CEP128: variants seen among roughly 807,000 people sequenced by gnomAD.
CEP128 encodes the protein centrosomal protein 128.
In CEP128, 132 loss-of-function variants were observed where a neutral mutation model predicts 156.7. The ratio of observed to expected loss-of-function variants is 0.84; its 90% CI spans 0.73 to 0.97. CEP128 has a LOEUF of 0.97. Among genes scored for constraint, CEP128 ranks in the 50% least tolerant of loss-of-function variants. The pLI, the probability that CEP128 is intolerant of heterozygous loss-of-function variation, is 0.00. For synonymous variants in CEP128, 469 were observed against 448.9 expected, an observed-to-expected ratio of 1.04 and a Z score of -0.57; for missense variants, 1,252 against 1,281.9, an observed-to-expected ratio of 0.98 and a Z score of 0.36.
chr14:80,937,273 A>G (rs1885860675), intron 2 of CEP128, among the ~76,000 whole-genome samples: 1 of 152,214 alleles, frequency 6.6e-6, no homozygotes, highest in African/African-American at 2.4e-5. Flanking sequence ...GTGAGCCAAG[A>G]TAGCACCACT....
chr14:80,695,257 C>T (rs1896853049), intron 19 of CEP128, among the ~76,000 whole-genome samples: 1 of 151,734 alleles, frequency 6.6e-6, no homozygotes, highest in African/African-American at 2.4e-5. Flanking sequence ...TTTTGGGAAA[C>T]ATCTGCTCAG....
At chr14:80,492,237 C>T (rs1345213107), downstream of CEP128, among the ~76,000 whole-genome samples, 2 of 152,130 alleles carry the variant, frequency 1.3e-5, no homozygotes, top group Non-Finnish European at 2.9e-5. Context: ...ATATGAAGTA[C>T]ATATAAATAC....
chr14:80,898,484 A>C (rs991281574), intron 7 of CEP128, among the ~76,000 whole-genome samples: 2 of 152,210 alleles, frequency 1.3e-5, no homozygotes. Context: ...CCTAGAGATC[A>C]CAAAAACTAT....
intron 19 of CEP128, among the ~76,000 whole-genome samples, chr14:80,660,342 T>G (rs576927462): frequency 6.6e-6 from 1 of 152,126 alleles, no homozygotes; most frequent in Non-Finnish European, 1.5e-5. Flanking sequence ...GTTAAAATAT[T>G]TTTTGCTTAT....
chr14:80,544,264 ACT>A (rs1169134077), intron 21 of CEP128, among the ~76,000 whole-genome samples: 1 of 151,950 alleles, frequency 6.6e-6, no homozygotes, highest in African/African-American at 2.4e-5. Context: ...AAACATAGGG[ACT>A]CTCTTAGTTT....
At chr14:80,717,999 G>GTGTGTGTATGTC (rs1372681495) in intron 19 of CEP128, among the ~76,000 whole-genome samples, 1 of 152,040 alleles carries the variant, frequency 6.6e-6, no homozygotes, top group East Asian at 1.9e-4. Flanking sequence ...GTGTGTATGT[G>GTGTGTGTATGTC]TATGTGTATG....
Position 80,639,923 on chromosome 14 carries a change from A to T in CEP128, c.2807-59500T>A, listed in dbSNP as rs184135695. Among the ~76,000 whole-genome samples, 122 of 152,302 alleles carry T rather than the reference A, an allele frequency of 8.0e-4. 1 individual carries two copies. Among genetic ancestry groups the T allele is most frequent in the African/African-American group, 2.8e-3 (118 of 41,588 alleles). On this transcript the variant is annotated intron_variant, in intron 19 of 24. Coordinates refer to ENST00000555265, the MANE Select transcript of CEP128 (RefSeq NM_152446.5). ...CCAAAAACAAAGGCAAATAACACATAATCAAATTCTTTCTTATAGAAAGTG... is the reference window on the plus strand; with the variant it reads ...CCAAAAACAAAGGCAAATAACACATTATCAAATTCTTTCTTATAGAAAGTG...
intron 23 of CEP128, among the ~76,000 whole-genome samples, chr14:80,516,553 A>G (rs957910270): frequency 2.6e-5 from 4 of 152,134 alleles, no homozygotes; most frequent in African/African-American, 9.7e-5. Flanking sequence ...CTGCCTCTCA[A>G]GTTTATTGAG....
intron 21 of CEP128, among the ~76,000 whole-genome samples, chr14:80,547,371 C>T (rs10148083): frequency 0.24 from 36,350 of 152,134 alleles, 5,160 homozygotes; most frequent in African/African-American, 0.39. Flanking sequence ...ACTTGCAAAG[C>T]GTTCTTTACG....
intron 13 of CEP128, among the ~76,000 whole-genome samples, chr14:80,798,303 T>C (rs1013387269): frequency 6.6e-6 from 1 of 152,184 alleles, no homozygotes; most frequent in African/African-American, 2.4e-5. Context: ...ATTACAGTCA[T>C]AATTATGTTA....
intron 19 of CEP128, among the ~76,000 whole-genome samples, chr14:80,620,771 T>C (rs1279274788): frequency 3.9e-5 from 6 of 152,196 alleles, no homozygotes; most frequent in African/African-American, 1.4e-4. Context: ...GGTAGAAATA[T>C]TGAGGCATTG....
At chr14:80,876,772 T>C (rs1706421548) in intron 8 of CEP128, among the ~76,000 whole-genome samples, 1 of 152,142 alleles carries the variant, frequency 6.6e-6, no homozygotes, top group South Asian at 2.1e-4. Context: ...TTCAGACACA[T>C]ACAGAGAAGA....
intron 6 of CEP128, among the ~76,000 whole-genome samples, chr14:80,904,132 T>G (rs1213021690): frequency 6.6e-6 from 1 of 152,126 alleles, no homozygotes; most frequent in East Asian, 1.9e-4. Flanking sequence ...ATGTAGTATA[T>G]ATACACAATG....
intron 8 of CEP128, among the ~76,000 whole-genome samples, chr14:80,877,229 C>T (rs1031222926): frequency 2.0e-5 from 3 of 150,252 alleles, no homozygotes; most frequent in Non-Finnish European, 1.5e-5. Flanking sequence ...CTAATAAAAA[C>T]GAAAAAAAAC....
chr14:80,499,758 G>A (rs1433655619), intron 24 of CEP128, among the ~76,000 whole-genome samples: 1 of 152,212 alleles, frequency 6.6e-6, no homozygotes, highest in African/African-American at 2.4e-5. Context: ...TGTGATGGCT[G>A]TATCCTGGAG....
chr14:80,679,513 C>G (rs550172672), intron 19 of CEP128, among the ~76,000 whole-genome samples: 18 of 152,214 alleles, frequency 1.2e-4, no homozygotes, highest in Admixed American at 3.3e-4. Flanking sequence ...CTCAGGCTTA[C>G]TAGGGTGGGG....
At chr14:80,507,859 A>G (rs1192131049) in intron 23 of CEP128, among the ~76,000 whole-genome samples, 1 of 152,206 alleles carries the variant, frequency 6.6e-6, no homozygotes, top group Admixed American at 6.5e-5. Context: ...AAAAAAGTCA[A>G]CTGGCATCAA....
chr14:80,950,419 T>C (rs184776067), intron 2 of CEP128, among the ~76,000 whole-genome samples: 15 of 152,264 alleles, frequency 9.9e-5, no homozygotes, highest in Admixed American at 7.8e-4. Context: ...AAAAGTGTTA[T>C]ATAAAGAGAC....
At chr14:80,802,171 G>A (rs1460259304) in intron 13 of CEP128, among the ~76,000 whole-genome samples, 1 of 152,004 alleles carries the variant, frequency 6.6e-6, no homozygotes, top group African/African-American at 2.4e-5. Flanking sequence ...ATTTCACCCA[G>A]CAATCCCACT....
Sources: gnomAD v4.1 joint callset for allele counts (sites outside exome capture counted in the v4.1 genomes callset) on GRCh38, gnomAD v4.1.1 for gene constraint, MANE v1.5 for transcripts, NCBI Gene and HGNC (gene_info 2026-07-23, HGNC 2026-07-21) for gene names.